BTBD8: variants seen among roughly 807,000 people sequenced by gnomAD.
The protein encoded by BTBD8 is BTB/POZ domain-containing protein 8.
In BTBD8, 110 loss-of-function variants were observed where a neutral mutation model predicts 162.9. The ratio of observed to expected loss-of-function variants is 0.68; its 90% CI spans 0.58 to 0.79. The LOEUF (loss-of-function observed/expected upper bound fraction) is 0.79. BTBD8 is among the 30% of genes least tolerant of loss of function. The pLI, the probability that BTBD8 is intolerant of heterozygous loss-of-function variation, is 0.00. For missense variants in BTBD8, 1,905 were observed against 2,085.4 expected (o/e 0.91, Z 1.68); for synonymous variants, 667 against 716.1 (o/e 0.93, Z 1.10).
intron 11 of BTBD8, among the ~76,000 whole-genome samples, chr1:92,168,207 G>A (rs745615881): frequency 5.9e-5 from 9 of 152,056 alleles, no homozygotes; most frequent in Non-Finnish European, 1.0e-4. Context: ...TTTAGAAATT[G>A]GCAGTTTGGC....
At position 92,080,483 on chromosome 1, in the gene BTBD8, C is replaced by A; in HGVS notation, c.-89C>A. The A allele has an allele frequency of 6.4e-7, 1 of 1,554,504 alleles. No individual in the cohort carries two copies. The highest frequency in any genetic ancestry group is 8.7e-7 in the Non-Finnish European group (1 of 1,155,282). ...GGGGCGGATTTGGGTAGGAGCCGAGCGTTCGGTCGGAAACGCCCCCTTCTT... is the reference window on the plus strand; with the variant it reads ...GGGGCGGATTTGGGTAGGAGCCGAGAGTTCGGTCGGAAACGCCCCCTTCTT... On this transcript the variant is annotated 5_prime_UTR_variant, in exon 1 of 18. Transcript: ENST00000636805.
intron 16 of BTBD8, among the ~76,000 whole-genome samples, chr1:92,179,527 A>T (rs1476383991): frequency 6.6e-6 from 1 of 152,238 alleles, no homozygotes; most frequent in Non-Finnish European, 1.5e-5. Flanking sequence ...TCAATTAAAA[A>T]TAAGGTAGAG....
chr1:92,168,758 A>G, intron 11 of BTBD8, 108 bp from the exon 12 acceptor site: 1 of 1,051,502 alleles, frequency 9.5e-7, no homozygotes. Flanking sequence ...AATCTAAATG[A>G]TGACATCATT....
Position 92,169,008 on chromosome 1 carries a change from T to G in BTBD8, c.1573+13T>G. 6 of 1,514,686 alleles carry G rather than the reference T, an allele frequency of 4.0e-6. No individual in the cohort carries two copies. Among genetic ancestry groups the G allele is most frequent in the Non-Finnish European group, 4.5e-6 (5 of 1,118,786 alleles). The allele number at this position is 1,514,686 out of a possible 1,614,324, so 93.8% of individuals were successfully genotyped here. ...AAAATCCAAGCAGGTACGTTAGCCT[T>G]GAGATATTTCAATTCTTATGTAATG... On this transcript the variant is annotated intron_variant, in intron 12 of 17. Transcript: ENST00000636805.
intron 5 of BTBD8, among the ~76,000 whole-genome samples, chr1:92,135,246 C>A (rs535041326): frequency 6.6e-6 from 1 of 152,034 alleles, no homozygotes; most frequent in Non-Finnish European, 1.5e-5. Context: ...AGTGCAGTTG[C>A]GCGAACTTGG....
chr1:92,180,284 A>G lies in BTBD8; in HGVS notation c.2601A>G (p.Pro867=). The change falls in exon 17 of 18, where the codon CCA becomes CCG. Residue 867 remains proline, a synonymous_variant. Transcript: ENST00000636805. ...TKTQGSQGES[P]NSVKSSVSSR... is the part of the protein sequence containing the mutation. ...TCTTAGGATCCCAAGGAGAGTCACCAAACTCAGTAAAATCTTCAGTCTCTT... is the reference window on the plus strand; with the variant it reads ...TCTTAGGATCCCAAGGAGAGTCACCGAACTCAGTAAAATCTTCAGTCTCTT... 3 of 1,545,778 alleles carry G rather than the reference A, an allele frequency of 1.9e-6. No homozygotes were observed. In the South Asian group the frequency reaches 3.6e-5, roughly 19 times the overall value.
In BTBD8 at chr1:92,088,694, A is replaced by T; in HGVS notation, c.150-4A>T. On this transcript the variant is annotated splice_polypyrimidine_tract_variant and splice_region_variant and intron_variant, in intron 1 of 17. Coordinates refer to ENST00000636805, the MANE Select transcript of BTBD8 (RefSeq NM_001376131.1). ...AAACTATGATTCCTTTTTATTCCTT[A>T]TAGGCTTCTAAGGGAAGAATTCCAT... The T allele has an allele frequency of 6.4e-7, 1 of 1,570,988 alleles. No individual in the cohort carries two copies. Among genetic ancestry groups the T allele is most frequent in the Non-Finnish European group, 8.6e-7 (1 of 1,160,538 alleles).
intron 4 of BTBD8, chr1:92,125,934 G>A (rs1570732723): frequency 9.0e-6 from 4 of 444,622 alleles, no homozygotes; most frequent in African/African-American, 2.0e-5. Flanking sequence ...TGGAGAATTT[G>A]TTTTGATTTA....
intron 9 of BTBD8, among the ~76,000 whole-genome samples, chr1:92,164,012 C>A (rs1380634681): frequency 2.0e-5 from 3 of 152,132 alleles, no homozygotes; most frequent in African/African-American, 7.2e-5. Flanking sequence ...GGCTTCCCTA[C>A]CAGAGCAGTG....
At position 92,153,496 on chromosome 1, in the gene BTBD8, A is replaced by G. The variant is rs527237532; in HGVS notation, c.1122+5710A>G. Among the ~76,000 whole-genome samples, 4 of 152,258 alleles carry G rather than the reference A, an allele frequency of 2.6e-5. No individual in the cohort carries two copies. The South Asian group carries it at 8.3e-4, about 32-fold the overall frequency. Reference sequence around the variant, plus strand: ...TGATCTCTCATCTTTCGTAACTGAAACTTAATGCCCAATGATAGCAACTCC... The same window carrying G: ...TGATCTCTCATCTTTCGTAACTGAAGCTTAATGCCCAATGATAGCAACTCC... On this transcript the variant is annotated intron_variant, in intron 9 of 17. Transcript: ENST00000636805.
chr1:92,123,116 T>C (rs1488192711), intron 4 of BTBD8, among the ~76,000 whole-genome samples: 1 of 152,206 alleles, frequency 6.6e-6, no homozygotes, highest in Non-Finnish European at 1.5e-5. Flanking sequence ...TTTTCCCCCA[T>C]TGAATTATCT....
In BTBD8 at chr1:92,142,254, T is replaced by G. The variant is rs141575792; in HGVS notation, c.930+1043T>G. 1.8e-3 allele frequency among the ~76,000 whole-genome samples: 269 copies of G among 152,354 alleles called. 3 individuals are homozygous for G. The highest frequency in any genetic ancestry group is 5.9e-3 in the African/African-American group (244 of 41,584). Reference sequence around the variant, plus strand: ...AGGAATTCTGGTCAAAGGTTCTTCCTTCTTCATATGTCTCCCTCATATTTC... The same window carrying G: ...AGGAATTCTGGTCAAAGGTTCTTCCGTCTTCATATGTCTCCCTCATATTTC... On this transcript the variant is annotated intron_variant, in intron 7 of 17. Coordinates refer to ENST00000636805, the MANE Select transcript of BTBD8 (RefSeq NM_001376131.1).
intron 4 of BTBD8, chr1:92,126,434 C>A: frequency 1.1e-6 from 1 of 914,914 alleles, no homozygotes; most frequent in Non-Finnish European, 1.7e-6. Context: ...ACGAAACATC[C>A]AGCAGTACAA....
chr1:92,095,618 T>G (rs1350816162), intron 2 of BTBD8, among the ~76,000 whole-genome samples: 1 of 152,194 alleles, frequency 6.6e-6, no homozygotes, highest in Non-Finnish European at 1.5e-5. Flanking sequence ...AGGACAGTCA[T>G]CAGCAGACTG....
chr1:92,104,714 T>G (rs1016850106), intron 3 of BTBD8, among the ~76,000 whole-genome samples: 11 of 152,196 alleles, frequency 7.2e-5, no homozygotes, highest in African/African-American at 2.4e-4. Flanking sequence ...TGCCTACATC[T>G]TATAAACCTT....
At chr1:92,172,599 A>T (rs1374090306) in intron 13 of BTBD8, among the ~76,000 whole-genome samples, 1 of 152,256 alleles carries the variant, frequency 6.6e-6, no homozygotes, top group Non-Finnish European at 1.5e-5. Flanking sequence ...GTACAAAATT[A>T]TTCTAACCTC....
chr1:92,178,156 T>C (rs1650776719), intron 15 of BTBD8, among the ~76,000 whole-genome samples, 156 bp from the exon 16 acceptor site: 1 of 152,218 alleles, frequency 6.6e-6, no homozygotes. Context: ...TCTACAGTTT[T>C]ATAAACTTAA....
chr1:92,115,279 G>A (rs1649002756), intron 4 of BTBD8: 2 of 466,868 alleles, frequency 4.3e-6, no homozygotes, highest in Non-Finnish European at 8.3e-6. Flanking sequence ...GGCATGGACT[G>A]TGATCCTGAT....
At chr1:92,128,573 C>T (rs558632882) in intron 4 of BTBD8, among the ~76,000 whole-genome samples, 46 of 151,304 alleles carry the variant, frequency 3.0e-4, no homozygotes, top group South Asian at 8.4e-4. Context: ...CCACCGCGCC[C>T]GGCCATTTTT....
Sources: gnomAD v4.1 joint callset for allele counts (sites outside exome capture counted in the v4.1 genomes callset) on GRCh38, gnomAD v4.1.1 for gene constraint, MANE v1.5 for transcripts, NCBI Gene and HGNC (gene_info 2026-07-23, HGNC 2026-07-21) for gene names.